The following KIF18A variants were observed in gnomAD, a reference collection of about 807,000 sequenced individuals.
The protein encoded by KIF18A is kinesin family member 18A.
In KIF18A, 67 loss-of-function variants were observed where a neutral mutation model predicts 103.3. That is an observed-to-expected ratio of 0.65 (90% confidence interval 0.53 to 0.79). The LOEUF (loss-of-function observed/expected upper bound fraction) is 0.79, where lower values mean the gene tolerates loss of function less well. Among genes scored for constraint, KIF18A ranks in the 30% least tolerant of loss-of-function variants. KIF18A has a pLI of 0.00. For missense variants in KIF18A, 1,032 were observed against 1,062.5 expected, an observed-to-expected ratio of 0.97 and a Z score of 0.40; for synonymous variants, 367 against 355.5, an observed-to-expected ratio of 1.03 and a Z score of -0.36.
intron 13 of KIF18A, among the ~76,000 whole-genome samples, chr11:28,057,943 A>T (rs924684093): frequency 6.6e-6 from 1 of 152,214 alleles, no homozygotes; most frequent in African/African-American, 2.4e-5. Context: ...CACTATGTGT[A>T]ATGTGCTAGC....
At chr11:28,038,787 T>C (rs1850524708) in intron 13 of KIF18A, among the ~76,000 whole-genome samples, 2 of 151,726 alleles carry the variant, frequency 1.3e-5, no homozygotes. Flanking sequence ...GAGAACTAGA[T>C]AAATGAGATC....
chr11:28,040,126 T>C (rs1026388916), intron 13 of KIF18A, among the ~76,000 whole-genome samples: 1 of 151,832 alleles, frequency 6.6e-6, no homozygotes, highest in Non-Finnish European at 1.5e-5. Context: ...TAAATTTTAC[T>C]CTGAATACAA....
chr11:28,025,169 G>A (rs1431715034), intron 15 of KIF18A, among the ~76,000 whole-genome samples: 1 of 152,002 alleles, frequency 6.6e-6, no homozygotes, highest in Non-Finnish European at 1.5e-5. Context: ...TGAATAAGGG[G>A]TGACTACTCA....
At chr11:28,069,765 C>A (rs530278524) in intron 10 of KIF18A, among the ~76,000 whole-genome samples, 29 of 151,910 alleles carry the variant, frequency 1.9e-4, no homozygotes, top group Non-Finnish European at 4.4e-5. Context: ...AGGTCAGATA[C>A]ATTCCATGAT....
intron 12 of KIF18A, among the ~76,000 whole-genome samples, chr11:28,060,749 T>C (rs1850846841): frequency 6.6e-6 from 1 of 152,220 alleles, no homozygotes; most frequent in Non-Finnish European, 1.5e-5. Context: ...ATGTGGTTTA[T>C]GCTAAAACAC....
chr11:28,023,689 TG>T lies in KIF18A; in HGVS notation c.2614+51del. On this transcript the variant is annotated intron_variant, in intron 16 of 16. Transcript: ENST00000263181. ...ACAATAAAAAACGTAAAGTACTATA[TG>T]TGTGTTACAGAGTCATACCATTAAA... is the stretch of plus-strand genomic sequence containing the variant. 3 of 956,246 alleles carry T rather than the reference TG, an allele frequency of 3.1e-6. No individual in the cohort carries two copies. The South Asian group carries it at 4.2e-5, about 13-fold the overall frequency. The allele number at this position is 956,246 out of a possible 1,614,324, so 59.2% of individuals were successfully genotyped here. A position where few individuals can be genotyped will look rare whatever the true frequency, so the allele number is the denominator to read the frequency against.
chr11:28,072,057 C>T (rs1851023182), intron 10 of KIF18A, among the ~76,000 whole-genome samples: 2 of 152,220 alleles, frequency 1.3e-5, no homozygotes, highest in East Asian at 3.9e-4. Flanking sequence ...CATTTTCCAT[C>T]AGAATACTAC....
intron 12 of KIF18A, among the ~76,000 whole-genome samples, chr11:28,060,221 C>G (rs1354351117): frequency 6.6e-6 from 1 of 152,140 alleles, no homozygotes; most frequent in Non-Finnish European, 1.5e-5. Context: ...AGAAATATGT[C>G]TAACAACATG....
At chr11:28,101,693 G>T (rs755978491) in intron 1 of KIF18A, among the ~76,000 whole-genome samples, 1 of 152,038 alleles carries the variant, frequency 6.6e-6, no homozygotes, top group Non-Finnish European at 1.5e-5. Context: ...GTGTAGTGAG[G>T]GAAACAGATA....
chr11:28,032,202 C>T (rs1850419787), intron 15 of KIF18A, among the ~76,000 whole-genome samples: 1 of 151,330 alleles, frequency 6.6e-6, no homozygotes, highest in Admixed American at 6.6e-5. Context: ...CTATAAAACA[C>T]TGATGTAAGA....
intron 13 of KIF18A, among the ~76,000 whole-genome samples, chr11:28,058,062 GA>G (rs1850804953): frequency 6.6e-6 from 1 of 152,086 alleles, no homozygotes; most frequent in Non-Finnish European, 1.5e-5. Flanking sequence ...GCATAAAATT[GA>G]GGTTCTGAGA....
intron 1 of KIF18A, among the ~76,000 whole-genome samples, chr11:28,101,625 C>T: frequency 6.6e-6 from 1 of 152,196 alleles, no homozygotes; most frequent in East Asian, 1.9e-4. Flanking sequence ...AGATTACACA[C>T]TTAGAACAAT....
chr11:28,048,504 A>G (rs561255071), intron 13 of KIF18A, among the ~76,000 whole-genome samples: 1 of 152,222 alleles, frequency 6.6e-6, no homozygotes, highest in East Asian at 1.9e-4. Context: ...ATATATATAT[A>G]ATAGATTCCA....
chr11:28,082,092 T>A (rs950332188), intron 9 of KIF18A, among the ~76,000 whole-genome samples: 14 of 152,256 alleles, frequency 9.2e-5, no homozygotes, highest in African/African-American at 3.4e-4. Context: ...GCTGCTTCTA[T>A]GGATAACCAA....
rs752671024 is a variant in KIF18A, at chr11:28,036,667, A to G, written c.1949-3T>C. The stretch of plus-strand genomic sequence containing the variant: ...ATTAGTTCCACCTGAAGATGAGCCT[A>G]TTCAAAAAAATAAAAAAAGACACTC... On this transcript the variant is annotated splice_region_variant and splice_polypyrimidine_tract_variant and intron_variant, in intron 13 of 16. Transcript: ENST00000263181. 1.3e-6 allele frequency: 2 copies of G among 1,528,044 alleles called. No homozygotes were observed. The highest frequency in any genetic ancestry group is 8.8e-7 in the Non-Finnish European group (1 of 1,133,742). 94.7% of individuals were successfully genotyped at this position (1,528,044 alleles called of 1,614,324 possible).
chr11:28,098,203 AAAAC>A (rs1365207382), intron 1 of KIF18A, among the ~76,000 whole-genome samples: 3 of 152,038 alleles, frequency 2.0e-5, no homozygotes, highest in African/African-American at 4.8e-5. Flanking sequence ...TAAGTACCCT[AAAAC>A]AAACAATTAA....
intron 9 of KIF18A, among the ~76,000 whole-genome samples, chr11:28,081,976 C>T (rs771278548): frequency 1.3e-5 from 2 of 152,006 alleles, no homozygotes; most frequent in Admixed American, 6.6e-5. Context: ...AGTGAAGAAA[C>T]TAACTGCAGA....
intron 11 of KIF18A, among the ~76,000 whole-genome samples, chr11:28,068,751 A>C (rs917226720): frequency 2.6e-5 from 4 of 152,198 alleles, no homozygotes; most frequent in Non-Finnish European, 5.9e-5. Flanking sequence ...CATACTTCCA[A>C]GACTTATTGT....
chr11:28,050,974 G>C (rs1850704511), intron 13 of KIF18A, among the ~76,000 whole-genome samples: 1 of 151,698 alleles, frequency 6.6e-6, no homozygotes, highest in Non-Finnish European at 1.5e-5. Flanking sequence ...TTTAAGAAAA[G>C]TAAAAAGTAG....
Sources: allele counts gnomAD v4.1 joint callset (sites outside exome capture counted in the v4.1 genomes callset), GRCh38; gene constraint gnomAD v4.1.1; transcripts MANE v1.5; gene names NCBI Gene and HGNC (gene_info 2026-07-23, HGNC 2026-07-21).